The following MACROD2 variants were observed in gnomAD, a reference collection of about 807,000 sequenced individuals.
MACROD2 encodes the protein ADP-ribose glycohydrolase MACROD2.
A neutral mutation model predicts 70.4 loss-of-function variants in MACROD2; 36 were observed. The ratio of observed to expected loss-of-function variants is 0.51; its 90% confidence interval spans 0.39 to 0.68. MACROD2 has a LOEUF of 0.68. Ranked by LOEUF, MACROD2 falls within the 30% of genes least tolerant of loss-of-function variation. The probability of loss-of-function intolerance (pLI) is 0.00; values close to 1 mark genes in which losing one functional copy is unlikely to be tolerated. For missense variants in MACROD2, 496 were observed against 538.4 expected, an observed-to-expected ratio of 0.92 and a Z score of 0.78; for synonymous variants, 172 against 178.8, an observed-to-expected ratio of 0.96 and a Z score of 0.30.
At chr20:14,259,634 G>T (rs915180811) in intron 3 of MACROD2, among the ~76,000 whole-genome samples, 35 of 152,196 alleles carry the variant, frequency 2.3e-4, no homozygotes, top group Admixed American at 2.3e-3. Context: ...TAGGTGCTGG[G>T]GACCCAAAAA....
At chr20:15,860,099 C>G (rs2064404911) in intron 8 of MACROD2, among the ~76,000 whole-genome samples, 1 of 152,054 alleles carries the variant, frequency 6.6e-6, no homozygotes, top group Non-Finnish European at 1.5e-5. Flanking sequence ...CGCGCCACTG[C>G]CCTCCAACCT....
chr20:14,539,149 T>C (rs1046769986), intron 4 of MACROD2, among the ~76,000 whole-genome samples: 1 of 152,182 alleles, frequency 6.6e-6, no homozygotes, highest in Admixed American at 6.5e-5. Flanking sequence ...CTGTCCAGCT[T>C]ATGTGACTCT....
At chr20:15,239,914 G>A (rs2077046529) in intron 6 of MACROD2, among the ~76,000 whole-genome samples, 1 of 152,174 alleles carries the variant, frequency 6.6e-6, no homozygotes, top group Non-Finnish European at 1.5e-5. Context: ...TTGAACAAGG[G>A]AGCATGGCAG....
At chr20:14,514,653 A>T (rs897496594) in intron 4 of MACROD2, among the ~76,000 whole-genome samples, 1 of 152,102 alleles carries the variant, frequency 6.6e-6, no homozygotes, top group Admixed American at 6.6e-5. Context: ...TGCTTGTCAG[A>T]CTTAGTAGGG....
chr20:15,221,726 TTGAA>T (rs1421980133), intron 5 of MACROD2, among the ~76,000 whole-genome samples: 1 of 152,212 alleles, frequency 6.6e-6, no homozygotes, highest in African/African-American at 2.4e-5. Context: ...TAGAAATTGA[TTGAA>T]TGATATTTTA....
chr20:15,090,151 C>T (rs1373044861), intron 5 of MACROD2, among the ~76,000 whole-genome samples: 1 of 151,718 alleles, frequency 6.6e-6, no homozygotes, highest in East Asian at 1.9e-4. Context: ...TGTTGACCTG[C>T]TACAGCAGTA....
chr20:15,496,873 T>G (rs1307970674), intron 7 of MACROD2, among the ~76,000 whole-genome samples: 1 of 152,074 alleles, frequency 6.6e-6, no homozygotes, highest in Non-Finnish European at 1.5e-5. Context: ...AAGAATCACT[T>G]GAAAGTGGCT....
At chr20:15,891,803 T>C (rs1877591837) in intron 10 of MACROD2, among the ~76,000 whole-genome samples, 1 of 152,182 alleles carries the variant, frequency 6.6e-6, no homozygotes, top group Admixed American at 6.5e-5. Context: ...TTCTGTCTGA[T>C]TTCAAATTTG....
intron 5 of MACROD2, among the ~76,000 whole-genome samples, chr20:14,865,808 G>C (rs1451407643): frequency 1.3e-5 from 2 of 152,056 alleles, no homozygotes; most frequent in East Asian, 3.9e-4. Flanking sequence ...AGATTATCCT[G>C]TGATGAGAAT....
chr20:15,530,514 C>G (rs367913297), intron 8 of MACROD2, among the ~76,000 whole-genome samples: 1 of 151,760 alleles, frequency 6.6e-6, no homozygotes, highest in African/African-American at 2.4e-5. Context: ...GGGCGGATCA[C>G]GAGGTTAGGA....
At chr20:14,673,780 TGTG>T (rs1460708007) in intron 4 of MACROD2, among the ~76,000 whole-genome samples, 1 of 150,784 alleles carries the variant, frequency 6.6e-6, no homozygotes, top group Non-Finnish European at 1.5e-5. Context: ...ATTAGCTGGG[TGTG>T]GTGGTGGGCG....
At position 15,783,142 on chromosome 20, in the gene MACROD2, T is replaced by G. The variant is rs563068652; in HGVS notation, c.646-79603T>G. 5.3e-5 allele frequency among the ~76,000 whole-genome samples: 8 copies of G among 152,278 alleles called. No homozygotes were observed. The South Asian group carries it at 1.5e-3, about 28-fold the overall frequency. On this transcript the variant is annotated intron_variant, in intron 8 of 17. Coordinates refer to ENST00000684519, the MANE Select transcript of MACROD2 (RefSeq NM_001351661.2). ...TTGTTTATTTTTCTTGACTGACTATTGAGGATGACAAGTCTATACAGTCTA... is the reference window on the plus strand; with the variant it reads ...TTGTTTATTTTTCTTGACTGACTATGGAGGATGACAAGTCTATACAGTCTA...
chr20:15,579,033 T>C (rs1243350316), intron 8 of MACROD2, among the ~76,000 whole-genome samples: 2 of 152,190 alleles, frequency 1.3e-5, no homozygotes, highest in Non-Finnish European at 2.9e-5. Context: ...AAACACTACA[T>C]ATATTTTGAA....
intron 8 of MACROD2, among the ~76,000 whole-genome samples, chr20:15,862,512 T>G (rs1225749786): frequency 6.6e-6 from 1 of 152,108 alleles, no homozygotes; most frequent in Non-Finnish European, 1.5e-5. Context: ...ATATAGCATC[T>G]TTCCACCAAA....
intron 3 of MACROD2, among the ~76,000 whole-genome samples, chr20:14,176,778 A>G (rs192615095): frequency 3.3e-5 from 5 of 152,300 alleles, no homozygotes; most frequent in East Asian, 3.9e-4. Flanking sequence ...TTATCCATCA[A>G]CTATCCCCTT....
chr20:14,576,338 G>C (rs531343581), intron 4 of MACROD2, among the ~76,000 whole-genome samples: 1 of 152,300 alleles, frequency 6.6e-6, no homozygotes, highest in East Asian at 1.9e-4. Context: ...GAGATGGCAT[G>C]AACCACAAAG....
At chr20:14,267,132 G>A (rs913532426) in intron 3 of MACROD2, among the ~76,000 whole-genome samples, 3 of 152,114 alleles carry the variant, frequency 2.0e-5, no homozygotes, top group African/African-American at 7.2e-5. Context: ...TCCAAGAGAA[G>A]TTATGTTAGT....
chr20:15,233,624 T>G (rs2076978533), intron 6 of MACROD2, among the ~76,000 whole-genome samples: 2 of 152,158 alleles, frequency 1.3e-5, no homozygotes, highest in South Asian at 4.2e-4. Flanking sequence ...ATGCATTGTT[T>G]GTAACAGCTG....
intron 3 of MACROD2, among the ~76,000 whole-genome samples, chr20:14,310,902 T>A (rs1026102116): frequency 6.6e-6 from 1 of 152,022 alleles, no homozygotes; most frequent in Non-Finnish European, 1.5e-5. Flanking sequence ...AGACTAAAGG[T>A]AGGAAGAAAG....
Sources: allele counts gnomAD v4.1 joint callset (sites outside exome capture counted in the v4.1 genomes callset), GRCh38; gene constraint gnomAD v4.1.1; transcripts MANE v1.5; gene names NCBI Gene and HGNC (gene_info 2026-07-23, HGNC 2026-07-21).